JCAD: variants seen among roughly 807,000 people sequenced by gnomAD.
JCAD encodes junctional cadherin 5 associated, also known as junctional cadherin 5-associated protein.
JCAD carries 40 observed loss-of-function variants against 98.0 expected under a neutral mutation model. The observed-to-expected ratio is 0.41, with a 90% CI of 0.32 to 0.53. JCAD has a LOEUF of 0.53. Among genes scored for constraint, JCAD ranks in the 20% least tolerant of loss-of-function variants. The probability of loss-of-function intolerance (pLI) is 0.31; values close to 1 mark genes in which losing one functional copy is unlikely to be tolerated. For synonymous variants in JCAD, 691 were observed against 682.3 expected, an observed-to-expected ratio of 1.01 and a Z score of -0.20; for missense variants, 1,705 against 1,738.1, an observed-to-expected ratio of 0.98 and a Z score of 0.34.
At chr10:30,086,506 T>G (rs1041611029) in intron 1 of JCAD, among the ~76,000 whole-genome samples, 5 of 152,248 alleles carry the variant, frequency 3.3e-5, no homozygotes, top group African/African-American at 9.6e-5. Context: ...TTTCTTCAGC[T>G]TTGCATCTTC....
At chr10:30,044,737 A>C (rs1323207882) in intron 2 of JCAD, 1 of 925,832 alleles carries the variant, frequency 1.1e-6, no homozygotes, top group Non-Finnish European at 1.3e-6. Context: ...CTTTTTCCCA[A>C]AGCACTTTGT....
At chr10:30,035,722 T>C (rs543012331) in intron 2 of JCAD, among the ~76,000 whole-genome samples, 3 of 152,336 alleles carry the variant, frequency 2.0e-5, no homozygotes, top group South Asian at 2.1e-4. Context: ...ACATTAACAA[T>C]GGCACTTCTA....
chr10:30,097,194 A>G (rs771425655), intron 1 of JCAD, among the ~76,000 whole-genome samples: 15 of 152,200 alleles, frequency 9.9e-5, no homozygotes, highest in Non-Finnish European at 2.1e-4. Context: ...AGCATAACTA[A>G]GGGCTGAATT....
chr10:30,024,115 T>G (rs1051095141), intron 3 of JCAD, among the ~76,000 whole-genome samples: 1 of 152,156 alleles, frequency 6.6e-6, no homozygotes, highest in African/African-American at 2.4e-5. Context: ...CAGGGAGCTA[T>G]GATCATGCCA....
chr10:30,026,044 G>A, intron 3 of JCAD, 59 bp downstream of exon 3: 1 of 1,589,836 alleles, frequency 6.3e-7, no homozygotes. Context: ...CTGGTATTTT[G>A]TACTGACTAA....
At chr10:30,039,673 G>A (rs578156882) in intron 2 of JCAD, among the ~76,000 whole-genome samples, 7 of 152,246 alleles carry the variant, frequency 4.6e-5, no homozygotes, top group South Asian at 2.1e-4. Context: ...GTCCAGGCTC[G>A]GGGCACGTGC....
At chr10:30,050,499 C>T (rs993465251) in intron 1 of JCAD, among the ~76,000 whole-genome samples, 2 of 151,926 alleles carry the variant, frequency 1.3e-5, no homozygotes, top group Non-Finnish European at 2.9e-5. Context: ...CTTACTATGC[C>T]GGGCTCTTTA....
At chr10:30,101,827 G>T (rs374585725) in intron 1 of JCAD, among the ~76,000 whole-genome samples, 51 of 152,168 alleles carry the variant, frequency 3.4e-4, no homozygotes, top group African/African-American at 1.0e-3. Flanking sequence ...CAGTGAAAGG[G>T]GAGATTATCC....
At chr10:30,111,266 ACTT>A (rs1409403196) in intron 1 of JCAD, among the ~76,000 whole-genome samples, 1 of 152,044 alleles carries the variant, frequency 6.6e-6, no homozygotes, top group Admixed American at 6.6e-5. Context: ...CCCAGGGGTT[ACTT>A]CTTCTTGGGT....
chr10:30,050,674 TAGG>T (rs1837450067), intron 1 of JCAD, among the ~76,000 whole-genome samples: 3 of 152,164 alleles, frequency 2.0e-5, no homozygotes, highest in Admixed American at 6.5e-5. Context: ...TGGGGCTGGA[TAGG>T]TTGGTCCAAT....
At chr10:30,108,172 CGTG>C (rs1479486014) in intron 1 of JCAD, among the ~76,000 whole-genome samples, 4 of 151,922 alleles carry the variant, frequency 2.6e-5, no homozygotes, top group Non-Finnish European at 5.9e-5. Flanking sequence ...ATTAGCCGGG[CGTG>C]GTGGTGCACA....
chr10:30,028,801 G>C lies in JCAD; in HGVS notation c.1347C>G (p.Asp449Glu), dbSNP rs200599317. The part of the protein sequence containing the change: ...PQGFCEDIKL[D>E]DKSYNSSPVT... ...CAGGACTGGAGTTATATGATTTATCGTCAAGCTTTATGTCTTCACAGAAAC... is the reference window on the plus strand; with the variant it reads ...CAGGACTGGAGTTATATGATTTATCCTCAAGCTTTATGTCTTCACAGAAAC... Residue 449 changes from aspartate (D) to glutamate (E), a missense_variant, in exon 3 of 4, where the codon GAC becomes GAG. Asp to Glu is a conservative substitution (Grantham distance 45). Around this residue, in one of 3 missense-constraint regions of JCAD, gnomAD observed 1,278 missense variants for 1,243.1 expected, o/e 1.03. Coordinates refer to ENST00000375377, the MANE Select transcript of JCAD (RefSeq NM_020848.4). 5.0e-6 allele frequency: 8 copies of C among 1,614,100 alleles called. No individual in the cohort carries two copies. The highest frequency in any genetic ancestry group is 5.9e-6 in the Non-Finnish European group (7 of 1,180,052).
Position 30,080,827 on chromosome 10 carries a change from C to T in JCAD, n.129-11006G>A, listed in dbSNP as rs182723580. Reference sequence around the variant, plus strand: ...GGAGCTATCCCCCAGCATTAAACCACGGGCCTGCACATCCTGCATGCTTTC... The same window carrying T: ...GGAGCTATCCCCCAGCATTAAACCATGGGCCTGCACATCCTGCATGCTTTC... On this transcript the variant is annotated intron_variant and non_coding_transcript_variant, in intron 1 of 2. Coordinates refer to the JCAD transcript ENST00000465712. Among the ~76,000 whole-genome samples the T allele has an allele frequency of 3.1e-3, 478 of 152,314 alleles. 5 individuals are homozygous for T. Among genetic ancestry groups the T allele is most frequent in the Non-Finnish European group, 4.7e-3 (319 of 68,032 alleles).
At position 30,015,320 on chromosome 10, in the gene JCAD, G is replaced by A. The variant is rs74668769; in HGVS notation, c.*2563C>T. The stretch of plus-strand genomic sequence containing the variant: ...ACAAAAAACGAAGTTATGTATGTAT[G>A]AGAAATAGAAACAATAACTAAACAA... On this transcript the variant is annotated 3_prime_UTR_variant, in exon 4 of 4. Coordinates refer to ENST00000375377, the MANE Select transcript of JCAD (RefSeq NM_020848.4). 6.6e-6 allele frequency: 1 copy of A among 152,188 alleles called. No individual in the cohort carries two copies. The highest frequency in any genetic ancestry group is 1.5e-5 in the Non-Finnish European group (1 of 68,030). 9.4% of individuals were successfully genotyped at this position (152,188 alleles called of 1,614,324 possible).
intron 3 of JCAD, among the ~76,000 whole-genome samples, chr10:30,019,381 A>G (rs1019886565): frequency 2.6e-5 from 4 of 151,652 alleles, no homozygotes; most frequent in African/African-American, 2.4e-5. Flanking sequence ...AAAAAAAGAA[A>G]AAAAGAAATT....
At chr10:30,038,399 A>T (rs1358433662) in intron 2 of JCAD, among the ~76,000 whole-genome samples, 1 of 152,062 alleles carries the variant, frequency 6.6e-6, no homozygotes, top group Non-Finnish European at 1.5e-5. Flanking sequence ...GAAGACAAAG[A>T]GAGAGCCGGC....
intron 1 of JCAD, among the ~76,000 whole-genome samples, chr10:30,088,703 C>T (rs903545252): frequency 9.2e-5 from 14 of 152,138 alleles, no homozygotes; most frequent in Admixed American, 2.0e-4. Flanking sequence ...CACGGTGGCT[C>T]ACACCTGTAA....
rs1205148813 is a variant in JCAD, at chr10:30,015,343, C to T, written c.*2540G>A. On this transcript the variant is annotated 3_prime_UTR_variant, in exon 4 of 4. Coordinates refer to ENST00000375377, the MANE Select transcript of JCAD (RefSeq NM_020848.4). The stretch of plus-strand genomic sequence containing the variant: ...ATGAGAAATAGAAACAATAACTAAA[C>T]AATTAGTGTTAAATTCAAGACCTCT... 1.3e-5 allele frequency: 2 copies of T among 152,086 alleles called. No individual in the cohort carries two copies. Among genetic ancestry groups the T allele is most frequent in the Admixed American group, 1.3e-4 (2 of 15,274 alleles). The allele number at this position is 152,086 out of a possible 1,614,324, so 9.4% of individuals were successfully genotyped here.
intron 1 of JCAD, among the ~76,000 whole-genome samples, chr10:30,085,995 G>A (rs1479703829): frequency 6.6e-6 from 1 of 152,048 alleles, no homozygotes; most frequent in African/African-American, 2.4e-5. Flanking sequence ...TGAGTTGCAG[G>A]CAAAATGTAT....
Sources: allele counts gnomAD v4.1 joint callset (sites outside exome capture counted in the v4.1 genomes callset), GRCh38; gene constraint gnomAD v4.1.1; regional missense constraint gnomAD v4.1.1; transcripts MANE v1.5; gene names NCBI Gene and HGNC (gene_info 2026-07-23, HGNC 2026-07-21).